The following DCC variants were observed in gnomAD, a reference collection of about 807,000 sequenced individuals.
The protein encoded by DCC is netrin receptor DCC.
A neutral mutation model predicts 172.5 loss-of-function variants in DCC; 58 were observed. The observed-to-expected ratio is 0.34, with a 90% CI of 0.27 to 0.42. The LOEUF is 0.42. DCC is among the 10% of genes least tolerant of loss of function. DCC has a pLI of 1.00. For synonymous variants in DCC, 709 were observed against 644.5 expected (o/e 1.10, Z -1.52); for missense variants, 1,740 against 1,791.0 (o/e 0.97, Z 0.51).
intron 1 of DCC, among the ~76,000 whole-genome samples, chr18:52,370,273 C>A (rs988156143): frequency 4.6e-5 from 7 of 152,148 alleles, no homozygotes; most frequent in African/African-American, 1.7e-4. Context: ...AAGATAAATG[C>A]ATGTGTATAT....
chr18:53,286,366 G>A (rs11660938), intron 12 of DCC, among the ~76,000 whole-genome samples: 1 of 151,826 alleles, frequency 6.6e-6, no homozygotes, highest in South Asian at 2.1e-4. Flanking sequence ...GTGACCTGAC[G>A]GTTTTAAAAA....
chr18:53,322,303 T>G, intron 14 of DCC, 146 bp downstream of exon 14: 1 of 678,630 alleles, frequency 1.5e-6, no homozygotes, highest in East Asian at 2.7e-5. Flanking sequence ...AGGGAAACAT[T>G]AGTGAATACA....
At chr18:53,005,397 C>A (rs2041629282) in intron 5 of DCC, among the ~76,000 whole-genome samples, 1 of 152,134 alleles carries the variant, frequency 6.6e-6, no homozygotes, top group Non-Finnish European at 1.5e-5. Context: ...TCAGGTAACA[C>A]ACTGATAAAC....
intron 1 of DCC, among the ~76,000 whole-genome samples, chr18:52,535,228 T>G (rs1346344923): frequency 6.6e-6 from 1 of 152,180 alleles, no homozygotes; most frequent in Non-Finnish European, 1.5e-5. Flanking sequence ...CAAAGCTTAG[T>G]AATGCAAAAT....
intron 5 of DCC, among the ~76,000 whole-genome samples, chr18:53,006,381 A>T (rs756630429): frequency 6.6e-6 from 1 of 152,214 alleles, no homozygotes; most frequent in Non-Finnish European, 1.5e-5. Context: ...GTCAATGATA[A>T]GTATAAGACA....
chr18:52,747,253 G>A (rs1025611638), intron 1 of DCC, among the ~76,000 whole-genome samples: 1 of 152,108 alleles, frequency 6.6e-6, no homozygotes, highest in Non-Finnish European at 1.5e-5. Flanking sequence ...ATATATTATA[G>A]TTGTCTTAAG....
At chr18:53,143,808 T>G (rs181097415) in intron 7 of DCC, among the ~76,000 whole-genome samples, 4 of 152,356 alleles carry the variant, frequency 2.6e-5, no homozygotes, top group Non-Finnish European at 4.4e-5. Context: ...TATTTACTTA[T>G]GAATGTGTTA....
intron 5 of DCC, among the ~76,000 whole-genome samples, chr18:53,060,548 A>G (rs1460476858): frequency 6.6e-6 from 1 of 152,154 alleles, no homozygotes; most frequent in African/African-American, 2.4e-5. Context: ...ATTAGAACTC[A>G]CATATACGTT....
At chr18:53,163,409 A>C (rs936293821) in intron 8 of DCC, among the ~76,000 whole-genome samples, 1 of 152,204 alleles carries the variant, frequency 6.6e-6, no homozygotes, top group African/African-American at 2.4e-5. Flanking sequence ...CTGGCTTTCA[A>C]CTAGAGCCAT....
chr18:52,356,701 T>A (rs547569553), intron 1 of DCC, among the ~76,000 whole-genome samples: 1 of 152,282 alleles, frequency 6.6e-6, no homozygotes, highest in Admixed American at 6.5e-5. Flanking sequence ...ATCTCACATG[T>A]GTTATTAGTG....
chr18:53,283,977 G>A (rs879616350), intron 12 of DCC, among the ~76,000 whole-genome samples: 16 of 152,160 alleles, frequency 1.1e-4, no homozygotes, highest in African/African-American at 3.6e-4. Flanking sequence ...CATAGGCTAT[G>A]AATACGTTCC....
chr18:52,820,037 ATTAT>A (rs2038377450), intron 2 of DCC, among the ~76,000 whole-genome samples: 1 of 152,062 alleles, frequency 6.6e-6, no homozygotes, highest in Non-Finnish European at 1.5e-5. Context: ...GAACTTTCAT[ATTAT>A]TTTTTCAACG....
rs375062883 is a variant in DCC at position 53,246,442 on chromosome 18, T to G, written c.1911+30845T>G. On this transcript the variant is annotated intron_variant, in intron 12 of 28. Coordinates refer to ENST00000442544, the MANE Select transcript of DCC (RefSeq NM_005215.4). ...ATCACTACTTGGATCTGAGAAAGGG[T>G]CAGGCAACAAGGAAATGCAATGATA... Among the ~76,000 whole-genome samples the G allele has an allele frequency of 3.0e-4, 46 of 151,962 alleles. No individual in the cohort carries two copies. The East Asian group carries it at 8.1e-3, about 27-fold the overall frequency.
At chr18:52,351,940 G>A (rs1984140889) in intron 1 of DCC, among the ~76,000 whole-genome samples, 1 of 152,076 alleles carries the variant, frequency 6.6e-6, no homozygotes, top group Admixed American at 6.6e-5. Flanking sequence ...ATCTACCACT[G>A]GATGTTGCAA....
intron 5 of DCC, among the ~76,000 whole-genome samples, chr18:52,960,929 C>G (rs901240109): frequency 1.3e-5 from 2 of 152,118 alleles, no homozygotes; most frequent in Admixed American, 6.5e-5. Flanking sequence ...GTAGGTCACA[C>G]GCTGAATTTT....
chr18:52,794,216 T>A (rs2145212370), intron 2 of DCC, among the ~76,000 whole-genome samples: 1 of 152,206 alleles, frequency 6.6e-6, no homozygotes. Flanking sequence ...GATTGCATTA[T>A]GTCTCTTGAA....
At position 52,982,281 on chromosome 18, in the gene DCC, CAG is replaced by C. The variant is rs1441063683; in HGVS notation, c.985+56914_985+56915del. 2.6e-5 allele frequency among the ~76,000 whole-genome samples: 4 copies of C among 152,214 alleles called. No individual in the cohort carries two copies. The East Asian group carries it at 7.7e-4, about 29-fold the overall frequency. On this transcript the variant is annotated intron_variant, in intron 5 of 28. Transcript: ENST00000442544. ...TGGTATACTCACAAGAGGGTATAGA[CAG>C]AGTTGTTTTTCATTTCGAGCCATTT...
At chr18:52,973,805 T>G (rs1270336223) in intron 5 of DCC, among the ~76,000 whole-genome samples, 1 of 152,190 alleles carries the variant, frequency 6.6e-6, no homozygotes, top group Middle Eastern at 3.2e-3. Flanking sequence ...TTTTTTCTTC[T>G]TTTCTTAACC....
At chr18:53,488,273 G>C (rs2045924108) in intron 26 of DCC, among the ~76,000 whole-genome samples, 2 of 152,140 alleles carry the variant, frequency 1.3e-5, no homozygotes, top group Admixed American at 6.5e-5. Context: ...TATTTGGGAG[G>C]CTGAGGCATG....
Sources: allele counts gnomAD v4.1 joint callset (sites outside exome capture counted in the v4.1 genomes callset), GRCh38; gene constraint gnomAD v4.1.1; transcripts MANE v1.5; gene names NCBI Gene and HGNC (gene_info 2026-07-23, HGNC 2026-07-21).